RRM1: variants seen among roughly 807,000 people sequenced by gnomAD.
The protein encoded by RRM1 is ribonucleoside-diphosphate reductase large subunit.
A neutral mutation model predicts 101.5 loss-of-function variants in RRM1; 19 were observed. The ratio of observed to expected loss-of-function variants is 0.19; its 90% CI spans 0.13 to 0.27. The LOEUF is 0.27. Ranked by LOEUF, RRM1 falls within the 10% of genes least tolerant of loss-of-function variation. The pLI, the probability that RRM1 is intolerant of heterozygous loss-of-function variation, is 1.00. For synonymous variants in RRM1, 298 were observed against 323.4 expected, an observed-to-expected ratio of 0.92 and a Z score of 0.84; for missense variants, 500 against 962.9, an observed-to-expected ratio of 0.52 and a Z score of 6.36.
At chr11:4,124,155 G>T (rs11031043) in intron 12 of RRM1, among the ~76,000 whole-genome samples, 59,214 of 152,076 alleles carry the variant, frequency 0.39, 14,171 homozygotes, top group Non-Finnish European at 0.54. Context: ...AAGCTGACAC[G>T]TCACGGATAG....
intron 7 of RRM1, among the ~76,000 whole-genome samples, chr11:4,117,779 A>G (rs2094575759): frequency 6.6e-6 from 1 of 152,208 alleles, no homozygotes; most frequent in Admixed American, 6.5e-5. Context: ...TATTCAAGGC[A>G]GTGAAGAGAT....
intron 7 of RRM1, among the ~76,000 whole-genome samples, chr11:4,114,139 A>G (rs1273306077): frequency 2.6e-5 from 4 of 151,732 alleles, no homozygotes; most frequent in African/African-American, 9.7e-5. Context: ...CGTCTCCAAA[A>G]AAGAAAGAAA....
chr11:4,124,049 C>T (rs1413493314), intron 12 of RRM1, among the ~76,000 whole-genome samples: 1 of 151,942 alleles, frequency 6.6e-6, no homozygotes, highest in Non-Finnish European at 1.5e-5. Flanking sequence ...GGGTTTTATG[C>T]AGTGTGGCAA....
chr11:4,134,457 A>G (rs2094605753), intron 17 of RRM1, among the ~76,000 whole-genome samples: 1 of 152,212 alleles, frequency 6.6e-6, no homozygotes, highest in African/African-American at 2.4e-5. Flanking sequence ...GTCAAGAGGC[A>G]TTTATTTGCA....
chr11:4,122,922 T>C (rs2094583995), intron 11 of RRM1, among the ~76,000 whole-genome samples: 1 of 152,040 alleles, frequency 6.6e-6, no homozygotes, highest in South Asian at 2.1e-4. Context: ...AGATTTGGCT[T>C]CCTTAGTTTT....
At chr11:4,110,187 G>A (rs2094563437) in intron 5 of RRM1, among the ~76,000 whole-genome samples, 1 of 151,866 alleles carries the variant, frequency 6.6e-6, no homozygotes, top group East Asian at 1.9e-4. Flanking sequence ...GTGTCTCACT[G>A]TGTTGACTAG....
Position 4,132,241 on chromosome 11 carries a change from G to A in RRM1, c.1770-45G>A, listed in dbSNP as rs1435112657. ...ACTTAAAGTAGCTGCTTTCCTGGCA[G>A]ATTGTAGCTTTGGGACTAGTACCTG... is the stretch of plus-strand genomic sequence containing the variant. On this transcript the variant is annotated intron_variant, in intron 15 of 18. Transcript: ENST00000300738. This position sits in a 1 kb window ranked among gnomAD's most constrained non-coding sequence, Gnocchi z 4.1. 1.2e-6 allele frequency: 2 copies of A among 1,606,328 alleles called. No individual in the cohort carries two copies. The highest frequency in any genetic ancestry group is 1.7e-5 in the Admixed American group (1 of 59,770).
chr11:4,106,640 G>A (rs1186518516), intron 3 of RRM1, among the ~76,000 whole-genome samples: 1 of 151,786 alleles, frequency 6.6e-6, no homozygotes, highest in African/African-American at 2.4e-5. Context: ...CCCAGCTACT[G>A]GGGAGGCTGA....
intron 5 of RRM1, among the ~76,000 whole-genome samples, chr11:4,111,272 C>T (rs1280512743): frequency 1.3e-5 from 2 of 151,372 alleles, no homozygotes; most frequent in East Asian, 3.9e-4. Context: ...TTAGCTGGGC[C>T]TGGTGGTGGG....
chr11:4,101,564 C>A (rs2981556), intron 1 of RRM1, among the ~76,000 whole-genome samples: 10 of 114,874 alleles, frequency 8.7e-5, no homozygotes, highest in East Asian at 8.6e-4. Context: ...TCCACACCCC[C>A]CCCCGCTCCC....
chr11:4,108,363 C>T (rs2094561022), intron 4 of RRM1, among the ~76,000 whole-genome samples: 1 of 152,066 alleles, frequency 6.6e-6, no homozygotes. Context: ...CTTTGAGAGG[C>T]TGAGGCGGGT....
At chr11:4,102,666 A>G (rs2094553215) in intron 2 of RRM1, among the ~76,000 whole-genome samples, 1 of 152,046 alleles carries the variant, frequency 6.6e-6, no homozygotes, top group Non-Finnish European at 1.5e-5. Flanking sequence ...AAAAAAAAAA[A>G]AGGGAAGCCT....
intron 7 of RRM1, among the ~76,000 whole-genome samples, chr11:4,116,885 C>T (rs921494108): frequency 6.6e-6 from 1 of 151,020 alleles, no homozygotes; most frequent in Non-Finnish European, 1.5e-5. Flanking sequence ...GAGGATCGCT[C>T]GAGCCCAGGA....
intron 14 of RRM1, 113 bp from the exon 15 acceptor site, chr11:4,128,961 G>A: frequency 1.7e-6 from 1 of 578,056 alleles, no homozygotes; most frequent in Non-Finnish European, 3.0e-6. Flanking sequence ...TTGATTAGAA[G>A]ACAGCATTTG....
At chr11:4,134,143 C>T (rs1025022015) in intron 17 of RRM1, among the ~76,000 whole-genome samples, 9 of 151,908 alleles carry the variant, frequency 5.9e-5, no homozygotes, top group African/African-American at 1.9e-4. Flanking sequence ...CCACCACGCC[C>T]GGCTGTTTTT....
Position 4,094,962 on chromosome 11 carries a change from T to C in RRM1, c.-51T>C. ...CACCTTCTCGATCCCGCCGGCGCTT[T>C]AGAGCCGCAGTCCAGTCTTGGATCC... On this transcript the variant is annotated 5_prime_UTR_variant, in exon 1 of 19. Transcript: ENST00000300738. The C allele has an allele frequency of 6.4e-7, 1 of 1,551,920 alleles. No individual in the cohort carries two copies. Among genetic ancestry groups the C allele is most frequent in the Non-Finnish European group, 8.7e-7 (1 of 1,146,906 alleles).
At chr11:4,136,106 G>C (rs1263756511) in intron 18 of RRM1, among the ~76,000 whole-genome samples, 1 of 151,948 alleles carries the variant, frequency 6.6e-6, no homozygotes, top group Non-Finnish European at 1.5e-5. Context: ...GGAGTGAAAA[G>C]AACAGGATAT....
intron 7 of RRM1, among the ~76,000 whole-genome samples, chr11:4,117,478 A>G (rs996963358): frequency 8.5e-5 from 13 of 152,260 alleles, no homozygotes; most frequent in African/African-American, 2.9e-4. Context: ...GTTTGTTTAC[A>G]TATATCAAAA....
chr11:4,130,404 A>G (rs932982731), intron 15 of RRM1, among the ~76,000 whole-genome samples: 1 of 151,996 alleles, frequency 6.6e-6, no homozygotes, highest in African/African-American at 2.4e-5. Context: ...ATCAAACTTG[A>G]TGTATTCTGG....
Sources: allele counts gnomAD v4.1 joint callset (sites outside exome capture counted in the v4.1 genomes callset), GRCh38; gene constraint gnomAD v4.1.1; non-coding constraint Gnocchi (gnomAD v3.1); transcripts MANE v1.5; gene names NCBI Gene and HGNC (gene_info 2026-07-23, HGNC 2026-07-21).